RAB11FIP4: variants seen among roughly 807,000 people sequenced by gnomAD.
The protein encoded by RAB11FIP4 is RAB11 family interacting protein 4, also known as rab11 family-interacting protein 4.
Under a neutral mutation model 74.3 loss-of-function variants are expected in RAB11FIP4, and 23 were observed. The ratio of observed to expected loss-of-function variants is 0.31; its 90% CI spans 0.22 to 0.44. RAB11FIP4 has a LOEUF of 0.44. Among genes scored for constraint, RAB11FIP4 ranks in the 20% least tolerant of loss-of-function variants. RAB11FIP4 has a pLI of 1.00. For synonymous variants in RAB11FIP4, 360 were observed against 359.9 expected (o/e 1.00, Z 0.00); for missense variants, 630 against 863.9 (o/e 0.73, Z 3.39).
At chr17:31,466,235 G>C (rs1281552038) in intron 3 of RAB11FIP4, among the ~76,000 whole-genome samples, 1 of 152,108 alleles carries the variant, frequency 6.6e-6, no homozygotes, top group Non-Finnish European at 1.5e-5. Flanking sequence ...GGTCCCAGGG[G>C]AAGGAGGCAG....
chr17:31,481,717 G>T (rs1233844180), intron 3 of RAB11FIP4, among the ~76,000 whole-genome samples: 5 of 152,142 alleles, frequency 3.3e-5, no homozygotes, highest in African/African-American at 9.7e-5. Flanking sequence ...AATGAGTCAG[G>T]GGGCTTGTTT....
chr17:31,433,138 C>A (rs1186809272), intron 2 of RAB11FIP4, among the ~76,000 whole-genome samples: 1 of 152,078 alleles, frequency 6.6e-6, no homozygotes, highest in Admixed American at 6.6e-5. Flanking sequence ...AGAGTAAGAA[C>A]CTGTCTCAAG....
At chr17:31,523,687 G>C (rs1006787193) in intron 8 of RAB11FIP4, 76 bp downstream of exon 8, 2 of 1,419,872 alleles carry the variant, frequency 1.4e-6, no homozygotes, top group African/African-American at 1.4e-5. Flanking sequence ...TCAGGCTACT[G>C]TCTGGGGACT....
At chr17:31,521,424 T>C in intron 5 of RAB11FIP4, 64 bp downstream of exon 5, 1 of 1,437,414 alleles carries the variant, frequency 7.0e-7, no homozygotes, top group East Asian at 2.4e-5. Context: ...AAGCACATCC[T>C]AGGGGGTGGG....
intron 3 of RAB11FIP4, among the ~76,000 whole-genome samples, chr17:31,458,071 C>T (rs1001614978): frequency 1.3e-5 from 2 of 152,216 alleles, no homozygotes; most frequent in African/African-American, 2.4e-5. Context: ...TACTGTGGTA[C>T]CCATTTCGCT....
In RAB11FIP4 at chr17:31,532,335, G is replaced by A. The variant is rs2072885926; in HGVS notation, c.*603G>A. Reference sequence around the variant, plus strand: ...CCACCGGCCAGCAGCCCTCTGTGATGTGTGTGCAGAGTGAACAGAGGACTC... The same window carrying A: ...CCACCGGCCAGCAGCCCTCTGTGATATGTGTGCAGAGTGAACAGAGGACTC... On this transcript the variant is annotated 3_prime_UTR_variant, in exon 15 of 15. Coordinates refer to ENST00000621161, the MANE Select transcript of RAB11FIP4 (RefSeq NM_032932.6). 6.5e-6 allele frequency: 1 copy of A among 154,502 alleles called. No homozygotes were observed. Among genetic ancestry groups the A allele is most frequent in the African/African-American group, 2.4e-5 (1 of 41,454 alleles). 9.6% of individuals were successfully genotyped at this position (154,502 alleles called of 1,614,324 possible). A position where few individuals can be genotyped will look rare whatever the true frequency, so the allele number is the denominator to read the frequency against.
chr17:31,403,489 A>T (rs1190193277), intron 1 of RAB11FIP4, among the ~76,000 whole-genome samples: 1 of 151,604 alleles, frequency 6.6e-6, no homozygotes, highest in Non-Finnish European at 1.5e-5. Context: ...CACCCAGCTA[A>T]TTTTTTGTAT....
chr17:31,523,710 T>G (rs1016539009), intron 8 of RAB11FIP4, 99 bp downstream of exon 8: 46 of 1,248,710 alleles, frequency 3.7e-5, no homozygotes, highest in Non-Finnish European at 5.1e-5. Flanking sequence ...GGAGACCCTG[T>G]ACCTGCCTAG....
chr17:31,448,863 C>G (rs538949750), intron 3 of RAB11FIP4, among the ~76,000 whole-genome samples: 2 of 152,228 alleles, frequency 1.3e-5, no homozygotes, highest in South Asian at 2.1e-4. Flanking sequence ...TCTGCTTGAC[C>G]ACTTTCTGTG....
At chr17:31,404,202 G>A (rs770257030) in intron 1 of RAB11FIP4, among the ~76,000 whole-genome samples, 3 of 152,210 alleles carry the variant, frequency 2.0e-5, no homozygotes, top group Admixed American at 6.5e-5. Context: ...CCGCCAGCCC[G>A]TGGACCACAC....
At chr17:31,513,770 T>G (rs9899607) in intron 3 of RAB11FIP4, among the ~76,000 whole-genome samples, 3,422 of 152,354 alleles carry the variant, frequency 0.022, 113 homozygotes, top group African/African-American at 0.077. Context: ...ATAGCCATTT[T>G]TAAGAGAAAA....
At chr17:31,407,891 T>C (rs772180176) in intron 1 of RAB11FIP4, among the ~76,000 whole-genome samples, 6 of 152,220 alleles carry the variant, frequency 3.9e-5, no homozygotes, top group Non-Finnish European at 7.3e-5. Context: ...TTGGTTTACA[T>C]AATAGTTTTA....
rs1189705356 is a variant in RAB11FIP4, at chr17:31,529,372, C to G, written c.1653+594C>G. Among the ~76,000 whole-genome samples the G allele has an allele frequency of 2.6e-5, 4 of 152,136 alleles. 1 individual carries two copies. Among genetic ancestry groups the G allele is most frequent in the African/African-American group, 9.7e-5 (4 of 41,420 alleles). On this transcript the variant is annotated intron_variant, in intron 13 of 14. Coordinates refer to ENST00000621161, the MANE Select transcript of RAB11FIP4 (RefSeq NM_032932.6). ...CAAATTCCTGGGCTCAAGCAATTCT[C>G]CTACCTCAGCCTCTCGAGCAGTTAG...
At chr17:31,393,322 G>C (rs892970047) in intron 1 of RAB11FIP4, among the ~76,000 whole-genome samples, 1 of 152,218 alleles carries the variant, frequency 6.6e-6, no homozygotes, top group Non-Finnish European at 1.5e-5. Context: ...CGTTTTTCCA[G>C]TGGCTCCCAT....
chr17:31,409,069 C>A (rs1460791067), intron 1 of RAB11FIP4, among the ~76,000 whole-genome samples: 1 of 152,170 alleles, frequency 6.6e-6, no homozygotes, highest in African/African-American at 2.4e-5. Flanking sequence ...ATGCAGCTAG[C>A]TGGGCTGAGG....
rs2072477598 is a variant in RAB11FIP4 at position 31,512,853 on chromosome 17, ACAG to A, written c.337-4794_337-4792del. ...GGCCGTGTGTGGACTCCTTTTTCAC[ACAG>A]CAGGCGGGAATGGGCAGGAAACCGG... is the stretch of plus-strand genomic sequence containing the variant. On this transcript the variant is annotated intron_variant, in intron 3 of 14. Transcript: ENST00000621161. The surrounding 1 kb of genome is among the most constrained non-coding windows in gnomAD (Gnocchi z 4.1). 6.6e-6 allele frequency among the ~76,000 whole-genome samples: 1 copy of A among 151,956 alleles called. No individual in the cohort carries two copies. The highest frequency in any genetic ancestry group is 6.6e-5 in the Admixed American group (1 of 15,256).
In RAB11FIP4 at chr17:31,402,598, T is replaced by G. The variant is rs865962893; in HGVS notation, c.159+10587T>G. Among the ~76,000 whole-genome samples the G allele has an allele frequency of 7.0e-5, 10 of 142,804 alleles. No individual in the cohort carries two copies. In the East Asian group the frequency reaches 2.0e-3, roughly 29 times the overall value. The allele number at this position is 142,804 out of a possible 152,430, so 93.7% of individuals were successfully genotyped here. ...TGAAGGCTCAGATTATTTTATTTAT[T>G]TTTATTTATTTATTTATTTATTTAT... On this transcript the variant is annotated intron_variant, in intron 1 of 14. Coordinates refer to ENST00000621161, the MANE Select transcript of RAB11FIP4 (RefSeq NM_032932.6).
intron 3 of RAB11FIP4, among the ~76,000 whole-genome samples, chr17:31,478,322 C>T (rs1188584489): frequency 6.6e-6 from 1 of 152,120 alleles, no homozygotes; most frequent in Non-Finnish European, 1.5e-5. Flanking sequence ...ATGAACATAA[C>T]GTCTGCCTTC....
At position 31,528,393 on chromosome 17, in the gene RAB11FIP4, C is replaced by T. The variant is rs1046080267; in HGVS notation, c.1357-13C>T. On this transcript the variant is annotated splice_polypyrimidine_tract_variant and intron_variant, in intron 11 of 14. Transcript: ENST00000621161. Reference sequence around the variant, plus strand: ...GGGAACTCTCCTCCCCTGATCGGGTCTCCCTGCTCCAGGAGCGGCAGCGCA... The same window carrying T: ...GGGAACTCTCCTCCCCTGATCGGGTTTCCCTGCTCCAGGAGCGGCAGCGCA... 3.1e-6 allele frequency: 5 copies of T among 1,610,680 alleles called. No homozygotes were observed. The highest frequency in any genetic ancestry group is 4.2e-6 in the Non-Finnish European group (5 of 1,179,388).
Sources: allele counts gnomAD v4.1 joint callset (sites outside exome capture counted in the v4.1 genomes callset), GRCh38; gene constraint gnomAD v4.1.1; non-coding constraint Gnocchi (gnomAD v3.1); transcripts MANE v1.5; gene names NCBI Gene and HGNC (gene_info 2026-07-23, HGNC 2026-07-21).